The following EXOC6 variants were observed in gnomAD, a reference collection of about 807,000 sequenced individuals.
EXOC6 encodes SEC15-like 1.
EXOC6 carries 60 observed loss-of-function variants against 112.5 expected under a neutral mutation model. The observed-to-expected ratio is 0.53, with a 90% CI of 0.43 to 0.66. The LOEUF is 0.66. Among genes scored for constraint, EXOC6 ranks in the 30% least tolerant of loss-of-function variants. The pLI is 0.00. For missense variants in EXOC6, 855 were observed against 957.1 expected, an observed-to-expected ratio of 0.89 and a Z score of 1.41; for synonymous variants, 295 against 308.0, an observed-to-expected ratio of 0.96 and a Z score of 0.44.
intron 20 of EXOC6, among the ~76,000 whole-genome samples, chr10:93,035,958 C>T (rs995339494): frequency 1.3e-5 from 2 of 152,160 alleles, no homozygotes; most frequent in African/African-American, 4.8e-5. Flanking sequence ...CGGTGGCTCA[C>T]ACCTGTAATC....
intron 1 of EXOC6, among the ~76,000 whole-genome samples, chr10:92,872,606 T>C (rs1269144082): frequency 6.6e-6 from 1 of 152,120 alleles, no homozygotes; most frequent in Non-Finnish European, 1.5e-5. Context: ...AACTTGTTTC[T>C]CTTTTTTGTT....
chr10:92,854,413 G>C (rs1847499152), intron 1 of EXOC6, among the ~76,000 whole-genome samples: 1 of 151,628 alleles, frequency 6.6e-6, no homozygotes. Context: ...TCCAGCCTGG[G>C]CGACAGAATG....
At chr10:92,894,718 G>C (rs1849665634) in intron 2 of EXOC6, 76 bp from the exon 3 acceptor site, 3 of 1,129,414 alleles carry the variant, frequency 2.7e-6, no homozygotes, top group South Asian at 2.6e-5. Context: ...AGCATGATCT[G>C]ATTACAAGGG....
chr10:92,949,014 A>G (rs945331070), intron 14 of EXOC6, among the ~76,000 whole-genome samples: 2 of 152,224 alleles, frequency 1.3e-5, no homozygotes, highest in Non-Finnish European at 2.9e-5. Flanking sequence ...GTGTATGTGC[A>G]TATATACGTG....
intron 18 of EXOC6, among the ~76,000 whole-genome samples, chr10:92,994,301 T>C (rs943510269): frequency 6.6e-6 from 1 of 152,174 alleles, no homozygotes; most frequent in Non-Finnish European, 1.5e-5. Context: ...CAAATGTCTC[T>C]TTACCACAAT....
intron 6 of EXOC6, among the ~76,000 whole-genome samples, chr10:92,909,857 C>T (rs542017614): frequency 9.9e-5 from 15 of 152,098 alleles, no homozygotes; most frequent in African/African-American, 3.1e-4. Flanking sequence ...AGTTACTGCC[C>T]GAACTCTCAG....
At chr10:92,844,357 T>G (rs1188938762), upstream of EXOC6, among the ~76,000 whole-genome samples, 2 of 152,128 alleles carry the variant, frequency 1.3e-5, no homozygotes, top group Non-Finnish European at 2.9e-5. Context: ...CAGTGATTTG[T>G]TCACCACCAT....
chr10:92,851,269 A>C (rs1334714437), intron 1 of EXOC6, among the ~76,000 whole-genome samples: 1 of 151,418 alleles, frequency 6.6e-6, no homozygotes, highest in African/African-American at 2.4e-5. Context: ...AAATACAGAA[A>C]GTCAGTGAAA....
upstream of EXOC6, chr10:92,848,454 T>G: frequency 9.0e-6 from 3 of 332,864 alleles, no homozygotes; most frequent in Non-Finnish European, 1.4e-5. Context: ...GCCCCGCCCC[T>G]TCGCGCTCGC....
rs116547550 is a variant in EXOC6, at chr10:92,998,880, T to G, written c.2095+1265T>G. On this transcript the variant is annotated intron_variant, in intron 19 of 21. Coordinates refer to ENST00000260762, the MANE Select transcript of EXOC6 (RefSeq NM_019053.6). ...AAATATTTATTTATATATTTATGTT[T>G]TAGTTTTTTGAGACAGAGTCTCACT... 9.6e-3 allele frequency among the ~76,000 whole-genome samples: 1,466 copies of G among 152,268 alleles called. 11 individuals are homozygous for G. Among genetic ancestry groups the G allele is most frequent in the African/African-American group, 0.029 (1,207 of 41,540 alleles).
intron 20 of EXOC6, among the ~76,000 whole-genome samples, chr10:93,020,569 T>C (rs1844738651): frequency 6.6e-6 from 1 of 152,176 alleles, no homozygotes; most frequent in Admixed American, 6.6e-5. Flanking sequence ...TATAGAGGCC[T>C]AGCTTCGAGG....
intron 18 of EXOC6, among the ~76,000 whole-genome samples, chr10:92,996,457 AAC>A (rs1227958596): frequency 1.3e-5 from 2 of 152,138 alleles, no homozygotes; most frequent in South Asian, 2.1e-4. Context: ...CTCTACTGAA[AAC>A]ACAAAAAATT....
Position 92,926,036 on chromosome 10 carries a change from T to C in EXOC6, c.889-2303T>C, listed in dbSNP as rs189952432. On this transcript the variant is annotated intron_variant, in intron 8 of 21. Coordinates refer to ENST00000260762, the MANE Select transcript of EXOC6 (RefSeq NM_019053.6). ...TGGCTTTGATAATTAGATTTTAGGTTTTAGGGTGGACTTTTTAAAAAAAAA... is the reference window on the plus strand; with the variant it reads ...TGGCTTTGATAATTAGATTTTAGGTCTTAGGGTGGACTTTTTAAAAAAAAA... 2.4e-3 allele frequency among the ~76,000 whole-genome samples: 358 copies of C among 146,988 alleles called. 1 individual carries two copies. The highest frequency in any genetic ancestry group is 8.5e-3 in the African/African-American group (344 of 40,288).
chr10:92,975,856 C>G (rs1842559061), intron 18 of EXOC6, among the ~76,000 whole-genome samples: 1 of 141,170 alleles, frequency 7.1e-6, no homozygotes, highest in Non-Finnish European at 1.6e-5. Flanking sequence ...CTCTGCCCGG[C>G]CGCCCCTACT....
intron 14 of EXOC6, among the ~76,000 whole-genome samples, chr10:92,950,869 T>A (rs1853366065): frequency 6.6e-6 from 1 of 152,192 alleles, no homozygotes; most frequent in African/African-American, 2.4e-5. Context: ...GACCACCTAG[T>A]AGATTTTTGC....
intron 18 of EXOC6, among the ~76,000 whole-genome samples, chr10:92,990,637 A>T (rs1477320304): frequency 6.6e-6 from 1 of 152,174 alleles, no homozygotes; most frequent in Non-Finnish European, 1.5e-5. Flanking sequence ...TTCTATTTTA[A>T]GTTCCAGGGT....
intron 1 of EXOC6, among the ~76,000 whole-genome samples, chr10:92,829,370 T>A (rs2133559078): frequency 6.6e-6 from 1 of 152,342 alleles, no homozygotes; most frequent in South Asian, 2.1e-4. Flanking sequence ...CCTCTCTCTC[T>A]CAGGAGAGGA....
intron 1 of EXOC6, among the ~76,000 whole-genome samples, chr10:92,838,121 G>C (rs1349492614): frequency 6.6e-6 from 1 of 152,200 alleles, no homozygotes; most frequent in Non-Finnish European, 1.5e-5. Flanking sequence ...GTTTCTACCA[G>C]TGTAATTCAA....
intron 20 of EXOC6, among the ~76,000 whole-genome samples, chr10:93,030,578 C>T (rs895902528): frequency 2.6e-5 from 4 of 152,252 alleles, no homozygotes; most frequent in Non-Finnish European, 5.9e-5. Flanking sequence ...AAAATACCAG[C>T]TCATGTAGAG....
Sources: allele counts gnomAD v4.1 joint callset (sites outside exome capture counted in the v4.1 genomes callset), GRCh38; gene constraint gnomAD v4.1.1; transcripts MANE v1.5; gene names NCBI Gene and HGNC (gene_info 2026-07-23, HGNC 2026-07-21).